SAMD4A: variants seen among roughly 807,000 people sequenced by gnomAD.
SAMD4A encodes the protein sterile alpha motif domain containing 4A.
SAMD4A carries 33 observed loss-of-function variants against 81.3 expected under a neutral mutation model. The ratio of observed to expected loss-of-function variants is 0.41; its 90% CI spans 0.31 to 0.54. The LOEUF (loss-of-function observed/expected upper bound fraction) is 0.54, where lower values mean the gene tolerates loss of function less well. SAMD4A is among the 20% of genes least tolerant of loss of function. The pLI is 0.37. For missense variants in SAMD4A, 854 were observed against 951.1 expected, an observed-to-expected ratio of 0.90 and a Z score of 1.34; for synonymous variants, 389 against 382.1, an observed-to-expected ratio of 1.02 and a Z score of -0.21.
In SAMD4A at chr14:54,777,666, T is replaced by C. The variant is rs1414197045; in HGVS notation, c.2044+1126T>C. ...AGAAGTCAGGCAGGAGGGTGCAGGA[T>C]GATGGGGTGGGGGGGTAGGCTGGAA... On this transcript the variant is annotated intron_variant, in intron 11 of 12. Coordinates refer to ENST00000554335, the MANE Select transcript of SAMD4A (RefSeq NM_015589.6). Among the ~76,000 whole-genome samples, 8 of 148,402 alleles carry C rather than the reference T, an allele frequency of 5.4e-5. No individual in the cohort carries two copies. In the East Asian group the frequency reaches 1.6e-3, roughly 29 times the overall value.
Position 54,695,023 on chromosome 14 carries a change from A to T in SAMD4A, c.197-7039A>T, listed in dbSNP as rs79656367. 3.2e-3 allele frequency: 1,804 copies of T among 568,758 alleles called. 15 individuals carry two copies. The highest frequency in any genetic ancestry group is 0.028 in the South Asian group (368 of 12,916). 35.2% of individuals were successfully genotyped at this position (568,758 alleles called of 1,614,324 possible). A position where few individuals can be genotyped will look rare whatever the true frequency, so the allele number is the denominator to read the frequency against. On this transcript the variant is annotated intron_variant, in intron 2 of 12. Transcript: ENST00000554335. Reference sequence around the variant, plus strand: ...GCCTTTGAATGACCAGCACCTGATGACCTTCTGCTGTCAGAAAAGACTGGA... The same window carrying T: ...GCCTTTGAATGACCAGCACCTGATGTCCTTCTGCTGTCAGAAAAGACTGGA...
chr14:54,757,062 AAGG>A (rs1208014745), intron 6 of SAMD4A, among the ~76,000 whole-genome samples: 1 of 152,224 alleles, frequency 6.6e-6, no homozygotes, highest in Non-Finnish European at 1.5e-5. Context: ...TTTTGTCAAC[AAGG>A]AGAATTAATT....
chr14:54,759,399 A>G (rs1370802405), intron 6 of SAMD4A, among the ~76,000 whole-genome samples: 1 of 151,790 alleles, frequency 6.6e-6, no homozygotes, highest in Non-Finnish European at 1.5e-5. Flanking sequence ...TGTGCCCTCC[A>G]CCTGGAGCGT....
At chr14:54,766,705 G>A (rs2038554339) in intron 8 of SAMD4A, among the ~76,000 whole-genome samples, 1 of 152,142 alleles carries the variant, frequency 6.6e-6, no homozygotes, top group Non-Finnish European at 1.5e-5. Flanking sequence ...AAGCACACCG[G>A]AACTCTGCTT....
chr14:54,658,907 G>C (rs1022396454), intron 2 of SAMD4A, among the ~76,000 whole-genome samples: 1 of 152,164 alleles, frequency 6.6e-6, no homozygotes, highest in Non-Finnish European at 1.5e-5. Flanking sequence ...CACGCTTTGT[G>C]GGGGGCAGAA....
chr14:54,711,916 G>C (rs1311701560), intron 3 of SAMD4A, among the ~76,000 whole-genome samples: 1 of 152,100 alleles, frequency 6.6e-6, no homozygotes, highest in South Asian at 2.1e-4. Flanking sequence ...CGATTTCAAA[G>C]GTACTTGTTT....
chr14:54,772,185 T>C (rs1167163107), intron 9 of SAMD4A, among the ~76,000 whole-genome samples: 1 of 152,216 alleles, frequency 6.6e-6, no homozygotes, highest in Non-Finnish European at 1.5e-5. Flanking sequence ...CCAAATTAAT[T>C]GGTTCTTATT....
chr14:54,671,932 G>A (rs967113559), intron 2 of SAMD4A, among the ~76,000 whole-genome samples: 9 of 151,846 alleles, frequency 5.9e-5, no homozygotes, highest in East Asian at 3.9e-4. Context: ...CAGGAATGGA[G>A]AGTAGTGTTA....
chr14:54,717,689 G>A (rs1409136650), intron 3 of SAMD4A, among the ~76,000 whole-genome samples: 1 of 152,092 alleles, frequency 6.6e-6, no homozygotes, highest in Non-Finnish European at 1.5e-5. Context: ...GAGAGTCCTT[G>A]ATGCCCAAGA....
intron 2 of SAMD4A, among the ~76,000 whole-genome samples, chr14:54,581,307 G>A (rs757242966): frequency 1.3e-5 from 2 of 152,232 alleles, no homozygotes; most frequent in Non-Finnish European, 2.9e-5. Context: ...GTTTTAAAAG[G>A]TTCAGGAAAA....
chr14:54,754,896 C>T, intron 6 of SAMD4A: 1 of 978,712 alleles, frequency 1.0e-6, no homozygotes, highest in Non-Finnish European at 1.2e-6. Flanking sequence ...TGGAGATTAA[C>T]CGTGAGTCAT....
At chr14:54,607,565 C>T (rs7143538) in intron 2 of SAMD4A, among the ~76,000 whole-genome samples, 18,985 of 151,190 alleles carry the variant, frequency 0.13, 1,635 homozygotes, top group East Asian at 0.39. Context: ...ATGCCATTCT[C>T]CTGCCTCAGC....
chr14:54,640,666 G>A (rs1044716691), intron 2 of SAMD4A, among the ~76,000 whole-genome samples: 7 of 152,138 alleles, frequency 4.6e-5, no homozygotes, highest in African/African-American at 1.7e-4. Context: ...GAGGTGGCAC[G>A]AGGCTTTGGG....
In SAMD4A at chr14:54,702,151, G is replaced by C. The variant is rs200562046; in HGVS notation, c.286G>C (p.Asp96His). The C allele has an allele frequency of 6.2e-7, 1 of 1,613,958 alleles. No individual in the cohort carries two copies. The highest frequency in any genetic ancestry group is 8.5e-7 in the Non-Finnish European group (1 of 1,180,008). ...HLPLLKPGNL[D>H]AKVEYMKLLP... ...GCCTTTGCTGAAGCCAGGAAACCTC[G>C]ACGCGAAAGTAGAATATATGAAACT... The change falls in exon 3 of 13, where the codon GAC (aspartate) becomes CAC (histidine). Residue 96 changes from aspartate (D) to histidine (H), a missense_variant. Transcript: ENST00000554335.
chr14:54,753,653 CA>C, intron 6 of SAMD4A, among the ~76,000 whole-genome samples: 1 of 152,026 alleles, frequency 6.6e-6, no homozygotes, highest in Admixed American at 6.5e-5. Flanking sequence ...ATTTTTAATG[CA>C]TATATGTTAT....
chr14:54,580,739 A>C (rs79551440), intron 2 of SAMD4A, among the ~76,000 whole-genome samples: 3,257 of 152,260 alleles, frequency 0.021, 109 homozygotes, highest in African/African-American at 0.076. Flanking sequence ...CACTAGTCTC[A>C]AGGTACTGGT....
chr14:54,647,119 A>G (rs1447533899), intron 2 of SAMD4A, among the ~76,000 whole-genome samples: 2 of 152,204 alleles, frequency 1.3e-5, no homozygotes, highest in African/African-American at 2.4e-5. Context: ...CATTTGGGAT[A>G]CCTTTTCATC....
chr14:54,600,150 A>G (rs948397206), intron 2 of SAMD4A, among the ~76,000 whole-genome samples: 3 of 151,918 alleles, frequency 2.0e-5, no homozygotes, highest in African/African-American at 4.8e-5. Context: ...TCTTCTTTTT[A>G]AATTATAGCT....
chr14:54,635,600 T>C (rs1052013356), intron 2 of SAMD4A, among the ~76,000 whole-genome samples: 4 of 151,058 alleles, frequency 2.6e-5, no homozygotes, highest in African/African-American at 7.3e-5. Flanking sequence ...ATACAAAAAT[T>C]AGCTGGGTGT....
Sources: allele counts gnomAD v4.1 joint callset (sites outside exome capture counted in the v4.1 genomes callset), GRCh38; gene constraint gnomAD v4.1.1; transcripts MANE v1.5; gene names NCBI Gene and HGNC (gene_info 2026-07-23, HGNC 2026-07-21).